Variants in CACNA2D3 observed in about 807,000 individuals in gnomAD.
CACNA2D3 encodes the protein voltage-dependent calcium channel subunit alpha-2/delta-3.
CACNA2D3 carries 60 observed loss-of-function variants against 160.6 expected under a neutral mutation model. That is an observed-to-expected ratio of 0.37 (90% CI 0.30 to 0.46). The LOEUF (loss-of-function observed/expected upper bound fraction) is 0.46. CACNA2D3 is among the 20% of genes least tolerant of loss of function. The pLI, the probability that CACNA2D3 is intolerant of heterozygous loss-of-function variation, is 1.00. For synonymous variants in CACNA2D3, 558 were observed against 492.9 expected, an observed-to-expected ratio of 1.13 and a Z score of -1.75; for missense variants, 1,205 against 1,365.0, an observed-to-expected ratio of 0.88 and a Z score of 1.85.
intron 27 of CACNA2D3, chr3:54,927,932 C>A (rs1701072849): frequency 5.0e-6 from 8 of 1,613,266 alleles, no homozygotes; most frequent in African/African-American, 1.3e-5. Flanking sequence ...CCTTGGGCGT[C>A]CTTGCTGACC....
At chr3:54,931,010 C>T (rs564112280) in intron 27 of CACNA2D3, among the ~76,000 whole-genome samples, 3 of 152,278 alleles carry the variant, frequency 2.0e-5, no homozygotes, top group South Asian at 2.1e-4. Context: ...GCAGGAGAAT[C>T]GCTTGAACCC....
At chr3:54,226,860 A>G (rs1372100765) in intron 2 of CACNA2D3, among the ~76,000 whole-genome samples, 2 of 152,150 alleles carry the variant, frequency 1.3e-5, no homozygotes, top group Admixed American at 6.5e-5. Context: ...GGCTGCCTTG[A>G]TAGGTCTACA....
intron 17 of CACNA2D3, among the ~76,000 whole-genome samples, chr3:54,858,728 A>G (rs1316881542): frequency 6.6e-6 from 1 of 152,168 alleles, no homozygotes; most frequent in African/African-American, 2.4e-5. Context: ...GAGATAACCT[A>G]GCCTTACCCT....
chr3:54,822,446 C>T (rs1305012183), intron 14 of CACNA2D3, among the ~76,000 whole-genome samples: 2 of 152,184 alleles, frequency 1.3e-5, no homozygotes, highest in Non-Finnish European at 2.9e-5. Flanking sequence ...ATGAGTGTGT[C>T]TGTGGCAGCC....
intron 5 of CACNA2D3, among the ~76,000 whole-genome samples, chr3:54,505,634 C>G (rs997523239): frequency 6.6e-6 from 1 of 152,174 alleles, no homozygotes; most frequent in African/African-American, 2.4e-5. Flanking sequence ...AAGCCATCTT[C>G]TTGGCATTCA....
intron 13 of CACNA2D3, among the ~76,000 whole-genome samples, chr3:54,783,030 G>C (rs190287428): frequency 7.2e-5 from 11 of 152,248 alleles, no homozygotes; most frequent in Non-Finnish European, 1.0e-4. Flanking sequence ...GGTTTAGAGA[G>C]ATTGAGGATT....
intron 2 of CACNA2D3, among the ~76,000 whole-genome samples, chr3:54,316,715 TAAAGC>T (rs1703870296): frequency 6.6e-6 from 1 of 152,180 alleles, no homozygotes. Flanking sequence ...CAACCTGCCG[TAAAGC>T]CAGGGGCTTC....
At chr3:54,451,407 G>A (rs550818607) in intron 4 of CACNA2D3, among the ~76,000 whole-genome samples, 13 of 151,496 alleles carry the variant, frequency 8.6e-5, no homozygotes, top group Admixed American at 6.6e-4. Context: ...ACACCACCAC[G>A]CTCAGCTAAT....
rs180722062 is a variant in CACNA2D3 at position 54,597,009 on chromosome 3, G to A, written c.963+15132G>A. On this transcript the variant is annotated intron_variant, in intron 9 of 37. Transcript: ENST00000474759. The stretch of plus-strand genomic sequence containing the variant: ...CATGGACAACATTGTGGTCACCACT[G>A]TCTCCACGGCACACAGCATAGGGTC... 1.9e-4 allele frequency among the ~76,000 whole-genome samples: 29 copies of A among 152,186 alleles called. No individual in the cohort carries two copies. In the East Asian group the frequency reaches 4.5e-3, roughly 23 times the overall value.
At chr3:54,309,352 TA>T (rs1703678849) in intron 2 of CACNA2D3, among the ~76,000 whole-genome samples, 1 of 152,384 alleles carries the variant, frequency 6.6e-6, no homozygotes, top group East Asian at 1.9e-4. Flanking sequence ...CATGCAGTTT[TA>T]TACCATAGAG....
chr3:54,473,813 G>A (rs1018386931), intron 4 of CACNA2D3, among the ~76,000 whole-genome samples: 1 of 152,188 alleles, frequency 6.6e-6, no homozygotes, highest in East Asian at 1.9e-4. Context: ...TTAGAGAAAT[G>A]CAAATCAGAA....
Position 54,713,731 on chromosome 3 carries a change from A to C in CACNA2D3, c.1168-38868A>C, listed in dbSNP as rs369194921. ...ACTCTGGGAGGGTTCATACACAGTAAGGGTCTCATTGCAAATAATTAAAGT... is the reference window on the plus strand; with the variant it reads ...ACTCTGGGAGGGTTCATACACAGTACGGGTCTCATTGCAAATAATTAAAGT... On this transcript the variant is annotated intron_variant, in intron 11 of 37. Transcript: ENST00000474759. Among the ~76,000 whole-genome samples the C allele has an allele frequency of 8.7e-4, 133 of 152,330 alleles. 1 individual carries two copies. Among genetic ancestry groups the C allele is most frequent in the African/African-American group, 3.1e-3 (130 of 41,588 alleles).
chr3:54,574,988 C>T (rs751985638), intron 8 of CACNA2D3, among the ~76,000 whole-genome samples: 3 of 152,318 alleles, frequency 2.0e-5, no homozygotes, highest in East Asian at 3.9e-4. Flanking sequence ...TTAAAGTAAT[C>T]GATTCCGTAT....
rs184589526 is a variant in CACNA2D3, at chr3:54,863,816, A to G, written c.1627-7723A>G. ...GCACATACAACTTTTCATCTTTGAG[A>G]TGCTTAAAAACATTAATTAATAAGA... is the stretch of plus-strand genomic sequence containing the variant. On this transcript the variant is annotated intron_variant, in intron 17 of 37. Coordinates refer to ENST00000474759, the MANE Select transcript of CACNA2D3 (RefSeq NM_018398.3). Among the ~76,000 whole-genome samples the G allele has an allele frequency of 1.7e-3, 264 of 152,272 alleles. 2 individuals are homozygous for G. The highest frequency in any genetic ancestry group is 2.2e-3 in the Non-Finnish European group (149 of 68,010).
chr3:54,954,521 C>T lies in CACNA2D3; in HGVS notation c.2450-13929C>T, dbSNP rs573056968. Reference sequence around the variant, plus strand: ...GACATCAGGGTGCATATCTTTCTGTCGGGGTCTACCAGCCCTTCGGCTTCC... The same window carrying T: ...GACATCAGGGTGCATATCTTTCTGTTGGGGTCTACCAGCCCTTCGGCTTCC... On this transcript the variant is annotated intron_variant, in intron 27 of 37. Transcript: ENST00000474759. 3.3e-5 allele frequency among the ~76,000 whole-genome samples: 5 copies of T among 152,358 alleles called. 1 individual carries two copies. The highest frequency in any genetic ancestry group is 7.2e-5 in the African/African-American group (3 of 41,594).
intron 17 of CACNA2D3, among the ~76,000 whole-genome samples, chr3:54,849,000 A>C (rs1201180383): frequency 6.6e-6 from 1 of 152,220 alleles, no homozygotes; most frequent in African/African-American, 2.4e-5. Flanking sequence ...TAAAGGTTGG[A>C]AGAACATGGT....
At chr3:54,302,093 G>T (rs1559915211) in intron 2 of CACNA2D3, among the ~76,000 whole-genome samples, 1 of 152,184 alleles carries the variant, frequency 6.6e-6, no homozygotes, top group Non-Finnish European at 1.5e-5. Flanking sequence ...GTGTGTAACA[G>T]CACCAAGCTG....
At chr3:54,556,366 A>G (rs1167460096) in intron 5 of CACNA2D3, among the ~76,000 whole-genome samples, 1 of 152,146 alleles carries the variant, frequency 6.6e-6, no homozygotes, top group African/African-American at 2.4e-5. Flanking sequence ...GGAGATGGAA[A>G]TAATGAGGCT....
intron 2 of CACNA2D3, among the ~76,000 whole-genome samples, chr3:54,292,336 T>G (rs1703228197): frequency 6.6e-6 from 1 of 152,150 alleles, no homozygotes; most frequent in Admixed American, 6.6e-5. Flanking sequence ...ACATTGGACT[T>G]CATAGAAATT....
Sources: allele counts gnomAD v4.1 joint callset (sites outside exome capture counted in the v4.1 genomes callset), GRCh38; gene constraint gnomAD v4.1.1; transcripts MANE v1.5; gene names NCBI Gene and HGNC (gene_info 2026-07-23, HGNC 2026-07-21).